Variants in WDR77 observed in about 807,000 individuals in gnomAD.
WDR77 encodes the protein WD repeat domain 77.
In WDR77, 31 loss-of-function variants were observed where a neutral mutation model predicts 44.0. The ratio of observed to expected loss-of-function variants is 0.70; its 90% CI spans 0.53 to 0.95. The LOEUF (loss-of-function observed/expected upper bound fraction) is 0.95. Ranked by LOEUF, WDR77 falls within the 40% of genes least tolerant of loss-of-function variation. The pLI is 0.00. For missense variants in WDR77, 390 were observed against 423.9 expected (o/e 0.92, Z 0.70); for synonymous variants, 186 against 165.7 (o/e 1.12, Z -0.94).
At chr1:111,447,038 C>A in intron 4 of WDR77, 57 bp downstream of exon 4, 2 of 1,594,414 alleles carry the variant, frequency 1.3e-6, no homozygotes, top group South Asian at 2.2e-5. Context: ...AAGCAAAGTT[C>A]AAAAAGTCCA....
rs770509842 is a variant in WDR77 at position 111,444,061 on chromosome 1, C to T, written c.557G>A (p.Cys186Tyr). 1.2e-6 allele frequency: 2 copies of T among 1,613,976 alleles called. No homozygotes were observed. Among genetic ancestry groups the T allele is most frequent in the South Asian group, 1.1e-5 (1 of 91,070 alleles). The change falls in exon 5 of 10, where the codon TGC (cysteine) becomes TAC (tyrosine). Residue 186 changes from cysteine (C) to tyrosine (Y), a missense_variant. Transcript: ENST00000235090. ...SPHKDSVFLS[C>Y]SEDNRILLWD... The stretch of plus-strand genomic sequence containing the variant: ...GAAGGAGCTATCTCTTACCTCGCTG[C>T]ATGAAAGAAACACAGAGTCCTTGTG...
Position 111,448,697 on chromosome 1 carries a change from C to A in WDR77, c.223G>T (p.Ala75Ser). The change falls in exon 2 of 10, where the codon GCC becomes TCC. Residue 75 changes from alanine to serine, a missense_variant. Physicochemically the swap from Ala to Ser is moderately conservative, Grantham distance 99 (BLOSUM62 1). Coordinates refer to ENST00000235090, the MANE Select transcript of WDR77 (RefSeq NM_024102.4). ...CAAPNEGFCS[A>S]GVQTEAGVAD... ...ACTCCAGCCTCCGTTTGGACTCCGG[C>A]GGAGCAGAAGCCTTCGTTGGGGGCG... 6.2e-7 allele frequency: 1 copy of A among 1,614,222 alleles called. No individual in the cohort carries two copies. The highest frequency in any genetic ancestry group is 8.5e-7 in the Non-Finnish European group (1 of 1,180,032).
intron 3 of WDR77, 89 bp downstream of exon 3, chr1:111,447,346 A>C (rs1653085106): frequency 2.5e-6 from 4 of 1,571,428 alleles, no homozygotes; most frequent in Non-Finnish European, 3.5e-6. Flanking sequence ...TCTTAGAATA[A>C]GCCCAAAATG....
chr1:111,447,036 T>C, intron 4 of WDR77, 59 bp downstream of exon 4: 1 of 1,587,874 alleles, frequency 6.3e-7, no homozygotes, highest in Non-Finnish European at 8.6e-7. Flanking sequence ...CAAAGCAAAG[T>C]TCAAAAAGTC....
At chr1:111,447,350 C>T (rs1653085229) in intron 3 of WDR77, 85 bp downstream of exon 3, 3 of 1,577,974 alleles carry the variant, frequency 1.9e-6, no homozygotes, top group Non-Finnish European at 2.6e-6. Flanking sequence ...AGAATAAGCC[C>T]AAAATGTTAC....
Position 111,440,002 on chromosome 1 carries a change from A to AT in WDR77, c.*1227dup, listed in dbSNP as rs1652740485. On this transcript the variant is annotated 3_prime_UTR_variant, in exon 10 of 10. Coordinates refer to ENST00000235090, the MANE Select transcript of WDR77 (RefSeq NM_024102.4). ...CAGACTTTCCCAGTTTCATAATGTG[A>AT]TTTTTACCTAAATTGAACCTGCAAA... The AT allele has an allele frequency of 6.6e-6, 1 of 152,578 alleles. No individual in the cohort carries two copies. Among genetic ancestry groups the AT allele is most frequent in the South Asian group, 2.1e-4 (1 of 4,828 alleles). The allele number at this position is 152,578 out of a possible 1,614,324, so 9.5% of individuals were successfully genotyped here. A position where few individuals can be genotyped will look rare whatever the true frequency, so the allele number is the denominator to read the frequency against.
At position 111,443,029 on chromosome 1, in the gene WDR77, G is replaced by A. The variant is rs556185363; in HGVS notation, c.692-268C>T. 5.3e-5 allele frequency among the ~76,000 whole-genome samples: 8 copies of A among 152,282 alleles called. No homozygotes were observed. The East Asian group carries it at 5.8e-4, about 11-fold the overall frequency. On this transcript the variant is annotated intron_variant, in intron 7 of 9. Coordinates refer to ENST00000235090, the MANE Select transcript of WDR77 (RefSeq NM_024102.4). ...ACCTACCCACAGTAGGACAGAATTCGCTATATAGCAATCCACTTGCTTTGT... is the reference window on the plus strand; with the variant it reads ...ACCTACCCACAGTAGGACAGAATTCACTATATAGCAATCCACTTGCTTTGT...
chr1:111,441,826 C>T (rs1320990369), intron 9 of WDR77, among the ~76,000 whole-genome samples, 199 bp downstream of exon 9: 2 of 152,154 alleles, frequency 1.3e-5, no homozygotes, highest in African/African-American at 4.8e-5. Flanking sequence ...ACCAAGGACA[C>T]GGCTTGTCCT....
In WDR77 at chr1:111,449,220, C is replaced by G; in HGVS notation, c.-51G>C. 3 of 1,537,186 alleles carry G rather than the reference C, an allele frequency of 2.0e-6. No individual in the cohort carries two copies. Among genetic ancestry groups the G allele is most frequent in the South Asian group, 2.4e-5 (2 of 84,346 alleles). ...ACTCAAACTGGACGCCGGCCGGAGA[C>G]TCCGCTCCGGCAGCAAACCCCACGT... On this transcript the variant is annotated 5_prime_UTR_variant, in exon 1 of 10. Coordinates refer to ENST00000235090, the MANE Select transcript of WDR77 (RefSeq NM_024102.4).
chr1:111,447,254 G>T (rs1571369535), intron 3 of WDR77, 110 bp from the exon 4 acceptor site: 2 of 1,486,842 alleles, frequency 1.3e-6, no homozygotes, highest in Non-Finnish European at 1.9e-6. Context: ...TTTGCCTCTT[G>T]GACTGCTGCT....
Position 111,447,494 on chromosome 1 carries a change from C to T in WDR77, c.384G>A (p.Val128=). 1.9e-6 allele frequency: 3 copies of T among 1,614,204 alleles called. No homozygotes were observed. The highest frequency in any genetic ancestry group is 2.5e-6 in the Non-Finnish European group (3 of 1,180,034). The change falls in exon 3 of 10, where the codon GTG becomes GTA. Residue 128 remains valine, a synonymous_variant. Transcript: ENST00000235090. ...CAGAGCTCAAGACACTGACTGTAGA[C>T]ACAATGTCATCATGCTCATACTTGC... is the stretch of plus-strand genomic sequence containing the variant. ...KFCKYEHDDI[V]STVSVLSSGT...
intron 8 of WDR77, 28 bp downstream of exon 8, chr1:111,442,625 T>G (rs1652860850): frequency 6.7e-7 from 1 of 1,491,954 alleles, no homozygotes; most frequent in Admixed American, 2.1e-5. Flanking sequence ...TTTATACCCA[T>G]CAGGCCCCTG....
chr1:111,441,537 T>C lies in WDR77; in HGVS notation c.870-148A>G, dbSNP rs1036414333. ...TATGGCCTCATCGCCAGGATAGCAG[T>C]GTAGCTATCCACAGTGGATGTCATC... is the stretch of plus-strand genomic sequence containing the variant. On this transcript the variant is annotated intron_variant, in intron 9 of 9. Transcript: ENST00000235090. 2.7e-5 allele frequency: 35 copies of C among 1,318,518 alleles called. No homozygotes were observed. The Admixed American group carries it at 1.2e-3, about 46-fold the overall frequency. The allele number at this position is 1,318,518 out of a possible 1,614,324, so 81.7% of individuals were successfully genotyped here. A position where few individuals can be genotyped will look rare whatever the true frequency, so the allele number is the denominator to read the frequency against.
chr1:111,443,797 A>C, intron 6 of WDR77, 70 bp downstream of exon 6: 1 of 1,608,288 alleles, frequency 6.2e-7, no homozygotes, highest in Non-Finnish European at 8.5e-7. Context: ...ATGCTTTGAC[A>C]CTGGCCAAAG....
At chr1:111,441,988 C>T in intron 9 of WDR77, 37 bp downstream of exon 9, 1 of 1,599,144 alleles carries the variant, frequency 6.3e-7, no homozygotes. Flanking sequence ...CACTGCTCCC[C>T]TTCCCTGATT....
rs1653208368 is a variant in WDR77, at chr1:111,449,218, G to C, written c.-49C>G. ...AGACTCAAACTGGACGCCGGCCGGA[G>C]ACTCCGCTCCGGCAGCAAACCCCAC... On this transcript the variant is annotated 5_prime_UTR_variant, in exon 1 of 10. Transcript: ENST00000235090. The C allele has an allele frequency of 3.3e-6, 5 of 1,537,634 alleles. No homozygotes were observed. The Admixed American group carries it at 5.9e-5, about 18-fold the overall frequency.
At chr1:111,441,683 C>G (rs1347061834) in intron 9 of WDR77, 2 of 934,540 alleles carry the variant, frequency 2.1e-6, no homozygotes, top group African/African-American at 3.3e-5. Flanking sequence ...TTCAGGTCTT[C>G]CAGGTGCTGC....
At chr1:111,443,598 C>T in intron 6 of WDR77, 2 of 964,970 alleles carry the variant, frequency 2.1e-6, no homozygotes, top group Non-Finnish European at 2.5e-6. Flanking sequence ...AGGCAAGTTT[C>T]AGGCACGAAT....
chr1:111,447,603 T>G, intron 2 of WDR77, 27 bp from the exon 3 acceptor site: 1 of 1,613,842 alleles, frequency 6.2e-7, no homozygotes. Context: ...AAGGAAAACA[T>G]GAGCTTGGAT....
Sources: gnomAD v4.1 joint callset for allele counts (sites outside exome capture counted in the v4.1 genomes callset) on GRCh38, gnomAD v4.1.1 for gene constraint, MANE v1.5 for transcripts, NCBI Gene and HGNC (gene_info 2026-07-23, HGNC 2026-07-21) for gene names.